PARD3: variants seen among roughly 807,000 people sequenced by gnomAD.
PARD3 encodes the protein partitioning defective 3 homolog.
In PARD3, 75 loss-of-function variants were observed where a neutral mutation model predicts 155.4. The ratio of observed to expected loss-of-function variants is 0.48; its 90% CI spans 0.40 to 0.58. PARD3 has a LOEUF of 0.58. PARD3 is among the 20% of genes least tolerant of loss of function. The pLI, the probability that PARD3 is intolerant of heterozygous loss-of-function variation, is 0.00. For missense variants in PARD3, 1,642 were observed against 1,721.7 expected (o/e 0.95, Z 0.82); for synonymous variants, 576 against 610.5 (o/e 0.94, Z 0.83).
chr10:34,450,892 A>C (rs988480203), intron 4 of PARD3, among the ~76,000 whole-genome samples: 1 of 152,166 alleles, frequency 6.6e-6, no homozygotes, highest in Non-Finnish European at 1.5e-5. Flanking sequence ...AAGATTAATA[A>C]ATTTGCCCTT....
intron 1 of PARD3, among the ~76,000 whole-genome samples, chr10:34,795,367 T>G (rs917576632): frequency 5.3e-5 from 8 of 152,170 alleles, no homozygotes; most frequent in African/African-American, 1.7e-4. Flanking sequence ...TCTCAGCACT[T>G]TGAGAGGCCA....
At chr10:34,112,831 A>G (rs11009645) in intron 24 of PARD3, among the ~76,000 whole-genome samples, 35,837 of 152,214 alleles carry the variant, frequency 0.24, 4,401 homozygotes, top group Middle Eastern at 0.3. Context: ...GAAAATGACC[A>G]TAATGTCCAG....
intron 2 of PARD3, among the ~76,000 whole-genome samples, chr10:34,613,267 G>C (rs978259994): frequency 6.6e-6 from 1 of 152,148 alleles, no homozygotes; most frequent in African/African-American, 2.4e-5. Flanking sequence ...TAACCTGTGT[G>C]CACATACACA....
intron 1 of PARD3, among the ~76,000 whole-genome samples, chr10:34,701,495 C>A (rs1358843126): frequency 6.6e-6 from 1 of 152,106 alleles, no homozygotes; most frequent in Non-Finnish European, 1.5e-5. Context: ...AGAAAGGGAA[C>A]CCCAAGGTAA....
intron 19 of PARD3, among the ~76,000 whole-genome samples, chr10:34,317,634 G>C (rs892725679): frequency 1.3e-5 from 2 of 152,138 alleles, no homozygotes; most frequent in Non-Finnish European, 2.9e-5. Flanking sequence ...ACACTACTAG[G>C]GGGGTGCCAG....
chr10:34,235,939 A>T (rs1455567214), intron 22 of PARD3, among the ~76,000 whole-genome samples: 1 of 152,216 alleles, frequency 6.6e-6, no homozygotes, highest in East Asian at 1.9e-4. Flanking sequence ...AAACACTTTT[A>T]AAAGTATTTG....
At chr10:34,804,042 T>G (rs555827077) in intron 1 of PARD3, among the ~76,000 whole-genome samples, 45 of 151,374 alleles carry the variant, frequency 3.0e-4, no homozygotes, top group Middle Eastern at 3.4e-3. Context: ...TTTGTTTTTT[T>G]TTTTTTTTTG....
At chr10:34,248,462 G>C (rs562887135) in intron 22 of PARD3, among the ~76,000 whole-genome samples, 1 of 152,176 alleles carries the variant, frequency 6.6e-6, no homozygotes, top group Non-Finnish European at 1.5e-5. Context: ...TGCATGGCAA[G>C]AACATATTCT....
chr10:34,733,961 T>TA (rs397845682), intron 1 of PARD3, among the ~76,000 whole-genome samples: 8 of 151,684 alleles, frequency 5.3e-5, no homozygotes, highest in Admixed American at 5.2e-4. Flanking sequence ...TTTTTTTTTT[T>TA]ACCATAAGCA....
intron 22 of PARD3, among the ~76,000 whole-genome samples, chr10:34,133,628 C>T (rs1947732832): frequency 6.6e-6 from 1 of 152,166 alleles, no homozygotes; most frequent in African/African-American, 2.4e-5. Flanking sequence ...GCTGGCTGCA[C>T]CCCTCCTGCG....
chr10:34,372,895 A>G (rs1275132870), intron 11 of PARD3, among the ~76,000 whole-genome samples: 1 of 152,156 alleles, frequency 6.6e-6, no homozygotes, highest in Non-Finnish European at 1.5e-5. Context: ...TTTAAGGTAT[A>G]GAATCATTTG....
chr10:34,197,902 G>C (rs979854941), intron 22 of PARD3, among the ~76,000 whole-genome samples: 2 of 152,162 alleles, frequency 1.3e-5, no homozygotes, highest in African/African-American at 2.4e-5. Context: ...GCTAATTTTT[G>C]TATTTTTAGT....
intron 4 of PARD3, among the ~76,000 whole-genome samples, chr10:34,461,193 A>C (rs1259087731): frequency 6.6e-6 from 1 of 152,228 alleles, no homozygotes; most frequent in East Asian, 1.9e-4. Flanking sequence ...CAGTTGCAGC[A>C]ATCCATCTGA....
intron 2 of PARD3, among the ~76,000 whole-genome samples, chr10:34,558,292 A>C (rs375314950): frequency 1.3e-5 from 2 of 152,192 alleles, no homozygotes; most frequent in East Asian, 3.8e-4. Context: ...TGCTGTTACA[A>C]AGTTTTCAGT....
chr10:34,635,822 A>C (rs1427099130), intron 2 of PARD3, among the ~76,000 whole-genome samples: 2 of 152,166 alleles, frequency 1.3e-5, no homozygotes, highest in South Asian at 4.1e-4. Flanking sequence ...GTGTGAGTTG[A>C]TATTACCCAG....
chr10:34,392,477 AATAAG>A (rs1432313626), intron 7 of PARD3, among the ~76,000 whole-genome samples: 3 of 152,188 alleles, frequency 2.0e-5, no homozygotes, highest in Admixed American at 6.5e-5. Flanking sequence ...TAAATTAATA[AATAAG>A]ATATCTGCCA....
intron 22 of PARD3, among the ~76,000 whole-genome samples, chr10:34,230,929 G>A (rs1301363268): frequency 1.3e-5 from 2 of 152,006 alleles, no homozygotes; most frequent in African/African-American, 4.8e-5. Flanking sequence ...GGAAGACTGA[G>A]GTGGGAAGAT....
At chr10:34,320,099 G>C (rs1167489591) in intron 19 of PARD3, among the ~76,000 whole-genome samples, 2 of 152,164 alleles carry the variant, frequency 1.3e-5, no homozygotes, top group African/African-American at 2.4e-5. Context: ...GGGGCAAACA[G>C]CAGCTGCTCA....
intron 2 of PARD3, among the ~76,000 whole-genome samples, chr10:34,664,708 A>T (rs568465290): frequency 1.1e-4 from 16 of 152,062 alleles, no homozygotes; most frequent in Admixed American, 7.9e-4. Context: ...CTGGTCTCGA[A>T]CTCCTGACCT....
Sources: gnomAD v4.1 joint callset for allele counts (sites outside exome capture counted in the v4.1 genomes callset) on GRCh38, gnomAD v4.1.1 for gene constraint, MANE v1.5 for transcripts, NCBI Gene and HGNC (gene_info 2026-07-23, HGNC 2026-07-21) for gene names.